The following NRG3 variants were observed in gnomAD, a reference collection of about 807,000 sequenced individuals.
NRG3 encodes neuregulin 3, also known as pro-neuregulin-3, membrane-bound isoform.
NRG3 carries 31 observed loss-of-function variants against 66.9 expected under a neutral mutation model. That is an observed-to-expected ratio of 0.46 (90% CI 0.35 to 0.63). The LOEUF is 0.63. Ranked by LOEUF, NRG3 falls within the 20% of genes least tolerant of loss-of-function variation. The pLI is 0.00. For synonymous variants in NRG3, 393 were observed against 359.4 expected, an observed-to-expected ratio of 1.09 and a Z score of -1.06; for missense variants, 910 against 878.9, an observed-to-expected ratio of 1.04 and a Z score of -0.45.
At chr10:82,522,283 G>C (rs1846268367) in intron 2 of NRG3, among the ~76,000 whole-genome samples, 1 of 152,042 alleles carries the variant, frequency 6.6e-6, no homozygotes. Flanking sequence ...GACCTCAGGT[G>C]ATCCGCCTGC....
intron 3 of NRG3, among the ~76,000 whole-genome samples, chr10:82,798,087 C>A (rs1268376509): frequency 1.3e-5 from 2 of 151,966 alleles, no homozygotes; most frequent in African/African-American, 2.4e-5. Flanking sequence ...GAGGCAATGT[C>A]TTTGAGAACC....
chr10:82,729,259 T>A (rs1013969165), intron 2 of NRG3, among the ~76,000 whole-genome samples: 5 of 152,160 alleles, frequency 3.3e-5, no homozygotes, highest in African/African-American at 4.8e-5. Flanking sequence ...TTTCCTCAAA[T>A]TGACATGAAG....
intron 6 of NRG3, 75 bp downstream of exon 6, chr10:82,959,150 G>A: frequency 6.9e-7 from 1 of 1,441,068 alleles, no homozygotes; most frequent in Non-Finnish European, 9.2e-7. Context: ...GGGAGCCTGG[G>A]ATCAGACTTG....
chr10:82,417,822 T>C (rs777793116), intron 2 of NRG3, among the ~76,000 whole-genome samples: 24 of 152,196 alleles, frequency 1.6e-4, no homozygotes, highest in Admixed American at 1.4e-3. Context: ...CAGGCACATC[T>C]GCATGTGTGC....
chr10:82,093,099 C>A (rs2132014310), intron 1 of NRG3, among the ~76,000 whole-genome samples: 1 of 152,262 alleles, frequency 6.6e-6, no homozygotes. Context: ...AGTAGCCTTC[C>A]ATGCACACCA....
At chr10:82,136,729 C>T (rs1035306402) in intron 1 of NRG3, among the ~76,000 whole-genome samples, 1 of 152,116 alleles carries the variant, frequency 6.6e-6, no homozygotes, top group African/African-American at 2.4e-5. Context: ...CTTTATTCAG[C>T]AGAACTTGGG....
chr10:82,145,178 A>G (rs900961561), intron 1 of NRG3, among the ~76,000 whole-genome samples: 3 of 152,284 alleles, frequency 2.0e-5, no homozygotes, highest in Admixed American at 2.0e-4. Flanking sequence ...GTGTGCATGC[A>G]CTAGAACTCG....
intron 2 of NRG3, among the ~76,000 whole-genome samples, chr10:82,433,379 G>A (rs1238871945): frequency 6.6e-6 from 1 of 152,078 alleles, no homozygotes; most frequent in African/African-American, 2.4e-5. Context: ...TTTCTCAGAT[G>A]GGTAGATTGC....
intron 3 of NRG3, among the ~76,000 whole-genome samples, chr10:82,752,716 A>G (rs1309016125): frequency 6.6e-6 from 1 of 152,172 alleles, no homozygotes; most frequent in African/African-American, 2.4e-5. Flanking sequence ...GTCCTCATGA[A>G]TGGGATTAAT....
chr10:82,649,267 TCA>T (rs1413158461), intron 2 of NRG3, among the ~76,000 whole-genome samples: 1 of 152,138 alleles, frequency 6.6e-6, no homozygotes, highest in African/African-American at 2.4e-5. Flanking sequence ...TGCCTCCCCT[TCA>T]CAGTCCTTGA....
intron 1 of NRG3, among the ~76,000 whole-genome samples, chr10:82,175,971 G>T (rs10884307): frequency 6.6e-6 from 1 of 152,152 alleles, no homozygotes; most frequent in East Asian, 1.9e-4. Context: ...AATTTGACCA[G>T]GTTAGTCTGT....
At chr10:82,349,280 A>G (rs1170480749) in intron 1 of NRG3, among the ~76,000 whole-genome samples, 5 of 151,898 alleles carry the variant, frequency 3.3e-5, no homozygotes, top group South Asian at 2.1e-4. Context: ...TTTTCCTTCT[A>G]ACAGACGGGA....
chr10:82,057,093 C>G lies in NRG3; in HGVS notation c.823+180930C>G, dbSNP rs1212133893. ...ATACTGCTTGTTGGATCTTTCCACT[C>G]TATTATCCTTTCCTTAAAATATTTC... On this transcript the variant is annotated intron_variant, in intron 1 of 8. Coordinates refer to ENST00000372141, the MANE Select transcript of NRG3 (RefSeq NM_001010848.4). 3.3e-5 allele frequency among the ~76,000 whole-genome samples: 5 copies of G among 152,060 alleles called. No individual in the cohort carries two copies. The East Asian group carries it at 7.7e-4, about 23-fold the overall frequency.
chr10:82,745,811 T>C (rs514259), intron 3 of NRG3, among the ~76,000 whole-genome samples: 100,382 of 151,506 alleles, frequency 0.66, 34,435 homozygotes, highest in South Asian at 0.75. Flanking sequence ...GATTCAGAGA[T>C]AACCACTGAT....
intron 1 of NRG3, among the ~76,000 whole-genome samples, chr10:82,204,137 C>A (rs1300504792): frequency 2.0e-5 from 3 of 152,136 alleles, no homozygotes; most frequent in Non-Finnish European, 4.4e-5. Flanking sequence ...ATTTTGCAAT[C>A]TACCTCACTG....
chr10:82,932,377 A>C (rs1847658113), intron 4 of NRG3, among the ~76,000 whole-genome samples: 1 of 152,246 alleles, frequency 6.6e-6, no homozygotes, highest in African/African-American at 2.4e-5. Context: ...CATAAATTCA[A>C]GCAAGATATG....
intron 2 of NRG3, among the ~76,000 whole-genome samples, chr10:82,493,294 TAAC>T (rs1406517701): frequency 6.6e-6 from 1 of 152,064 alleles, no homozygotes; most frequent in African/African-American, 2.4e-5. Flanking sequence ...CCTAACCCCC[TAAC>T]AGGCCCCAGT....
intron 2 of NRG3, among the ~76,000 whole-genome samples, chr10:82,494,163 T>C (rs1204177380): frequency 1.3e-5 from 2 of 152,166 alleles, no homozygotes; most frequent in East Asian, 3.9e-4. Flanking sequence ...AGTTCAACCA[T>C]TGTGGAAGAC....
chr10:82,302,013 T>G (rs1377448025), intron 1 of NRG3, among the ~76,000 whole-genome samples: 2 of 152,020 alleles, frequency 1.3e-5, no homozygotes, highest in African/African-American at 2.4e-5. Context: ...GTAATTTTTC[T>G]CTTTCTGTTT....
Sources: allele counts gnomAD v4.1 joint callset (sites outside exome capture counted in the v4.1 genomes callset), GRCh38; gene constraint gnomAD v4.1.1; transcripts MANE v1.5; gene names NCBI Gene and HGNC (gene_info 2026-07-23, HGNC 2026-07-21).